Variants in MATN2 observed in about 807,000 individuals in gnomAD.
MATN2 encodes matrilin-2.
Under a neutral mutation model 103.2 loss-of-function variants are expected in MATN2, and 69 were observed. The ratio of observed to expected loss-of-function variants is 0.67; its 90% CI spans 0.55 to 0.82. The LOEUF is 0.82. Ranked by LOEUF, MATN2 falls within the 40% of genes least tolerant of loss-of-function variation. The pLI is 0.00. For missense variants in MATN2, 1,023 were observed against 1,211.5 expected (o/e 0.84, Z 2.31); for synonymous variants, 429 against 450.2 (o/e 0.95, Z 0.60).
intron 3 of MATN2, among the ~76,000 whole-genome samples, chr8:97,935,157 C>T (rs1810333980): frequency 6.6e-6 from 1 of 152,072 alleles, no homozygotes; most frequent in Admixed American, 6.6e-5. Flanking sequence ...CTCCTGGGCT[C>T]AAGCAACCCT....
chr8:97,960,037 C>T (rs12546715), intron 4 of MATN2, among the ~76,000 whole-genome samples: 12,728 of 151,502 alleles, frequency 0.084, 646 homozygotes, highest in African/African-American at 0.13. Flanking sequence ...GCAACCTCCA[C>T]CTCCCGGGTT....
intron 4 of MATN2, among the ~76,000 whole-genome samples, chr8:97,951,421 G>T (rs571621924): frequency 1.3e-5 from 2 of 152,128 alleles, no homozygotes; most frequent in South Asian, 4.1e-4. Context: ...GAGGACCCAG[G>T]CAAGTGGTTC....
At chr8:97,977,013 A>C (rs1421183347) in intron 5 of MATN2, among the ~76,000 whole-genome samples, 1 of 151,966 alleles carries the variant, frequency 6.6e-6, no homozygotes, top group Non-Finnish European at 1.5e-5. Context: ...AGGCCAGTGG[A>C]TCTCTTGAGC....
chr8:97,951,249 G>A (rs551319936), intron 4 of MATN2, among the ~76,000 whole-genome samples: 15 of 152,330 alleles, frequency 9.8e-5, no homozygotes, highest in African/African-American at 3.6e-4. Context: ...CCAGGGCACA[G>A]GATTTTCTAC....
At chr8:98,020,306 C>T (rs775385258) in intron 12 of MATN2, among the ~76,000 whole-genome samples, 11 of 152,052 alleles carry the variant, frequency 7.2e-5, no homozygotes, top group Admixed American at 1.3e-4. Flanking sequence ...CCACCACACC[C>T]GGTTAATTTT....
Position 97,931,629 on chromosome 8 carries a change from T to C in MATN2, c.712+107T>C. The C allele has an allele frequency of 8.9e-7, 1 of 1,126,808 alleles. No individual in the cohort carries two copies. Among genetic ancestry groups the C allele is most frequent in the South Asian group, 1.6e-5 (1 of 61,890 alleles). The allele number at this position is 1,126,808 out of a possible 1,614,324, so 69.8% of individuals were successfully genotyped here. On this transcript the variant is annotated intron_variant, in intron 3 of 18. Coordinates refer to ENST00000254898, the MANE Select transcript of MATN2 (RefSeq NM_002380.5). This position sits in a 1 kb window ranked among gnomAD's most constrained non-coding sequence, Gnocchi z 4.1. ...TATGTCCCAGGTACTGTGCTGGCAATAGGTTTTCAACAAAGGCCAAGATAA... is the reference window on the plus strand; with the variant it reads ...TATGTCCCAGGTACTGTGCTGGCAACAGGTTTTCAACAAAGGCCAAGATAA...
chr8:97,937,874 T>C (rs1810429955), intron 3 of MATN2, among the ~76,000 whole-genome samples: 1 of 152,124 alleles, frequency 6.6e-6, no homozygotes, highest in Admixed American at 6.5e-5. Context: ...CCACCATGCC[T>C]GGCCTAATTT....
chr8:97,950,568 G>A (rs186094636), intron 4 of MATN2, among the ~76,000 whole-genome samples: 25 of 152,230 alleles, frequency 1.6e-4, no homozygotes, highest in African/African-American at 5.8e-4. Context: ...GAAACATTCA[G>A]ATCTTGGCTT....
intron 2 of MATN2, among the ~76,000 whole-genome samples, chr8:97,891,538 A>G (rs1425254991): frequency 6.6e-6 from 1 of 151,966 alleles, no homozygotes; most frequent in Admixed American, 6.6e-5. Context: ...GGGTTTCGCC[A>G]TGTTGTCCAG....
intron 11 of MATN2, 90 bp from the exon 12 acceptor site, chr8:98,017,904 T>C: frequency 6.9e-7 from 1 of 1,450,404 alleles, no homozygotes; most frequent in African/African-American, 1.4e-5. Context: ...TAGAATCCAG[T>C]AGCTGACTCC....
At position 97,962,458 on chromosome 8, in the gene MATN2, A is replaced by C. The variant is rs546677365; in HGVS notation, c.958+928A>C. 2.0e-5 allele frequency among the ~76,000 whole-genome samples: 3 copies of C among 152,334 alleles called. No homozygotes were observed. In the East Asian group the frequency reaches 5.8e-4, roughly 29 times the overall value. ...TGGAAGGCAAAACAAAACAACAACA[A>C]AACAAAAGTTAGGTGGTAGCCTGCA... is the stretch of plus-strand genomic sequence containing the variant. On this transcript the variant is annotated intron_variant, in intron 5 of 18. Coordinates refer to ENST00000254898, the MANE Select transcript of MATN2 (RefSeq NM_002380.5).
At position 97,888,189 on chromosome 8, in the gene MATN2, G is replaced by A. The variant is rs1818510735; in HGVS notation, c.89G>A (p.Arg30Lys). The change falls in exon 2 of 19, where the codon AGG (arginine) becomes AAG (lysine). Residue 30 changes from arginine (R) to lysine (K), a missense_variant. Arg to Lys is a conservative substitution (Grantham distance 26). Transcript: ENST00000254898. ...GAGGCCAGGGAGCGGTCACGTGGGAGGTCCATCTCTAGGGGCAGACACGCT... is the reference window on the plus strand; with the variant it reads ...GAGGCCAGGGAGCGGTCACGTGGGAAGTCCATCTCTAGGGGCAGACACGCT... ...PAEARERSRG[R>K]SISRGRHART... The A allele has an allele frequency of 1.2e-6, 2 of 1,605,616 alleles. No individual in the cohort carries two copies. Among genetic ancestry groups the A allele is most frequent in the Non-Finnish European group, 1.7e-6 (2 of 1,175,070 alleles).
At chr8:98,031,400 C>T (rs548910129) in intron 15 of MATN2, 8 of 152,086 alleles carry the variant, frequency 5.3e-5, no homozygotes, top group African/African-American at 1.9e-4. Flanking sequence ...GTAATAGCTA[C>T]CATTGTTTGC....
At chr8:97,933,683 A>G (rs1810277906) in intron 3 of MATN2, among the ~76,000 whole-genome samples, 1 of 152,130 alleles carries the variant, frequency 6.6e-6, no homozygotes, top group African/African-American at 2.4e-5. Context: ...GGAAGCTCTA[A>G]GAAAACATTA....
chr8:97,945,717 A>AATATATATAT (rs1554605716), intron 4 of MATN2, among the ~76,000 whole-genome samples: 223 of 121,786 alleles, frequency 1.8e-3, no homozygotes, highest in South Asian at 6.7e-3. Context: ...AAAAAAAAAA[A>AATATATATAT]ATATATATAT....
At chr8:97,952,865 G>A (rs1367099754) in intron 4 of MATN2, among the ~76,000 whole-genome samples, 1 of 150,838 alleles carries the variant, frequency 6.6e-6, no homozygotes, top group East Asian at 1.9e-4. Flanking sequence ...AACCAAACTT[G>A]GCCAGAGATA....
At chr8:98,000,114 C>G (rs1206220414) in intron 7 of MATN2, among the ~76,000 whole-genome samples, 2 of 151,436 alleles carry the variant, frequency 1.3e-5, no homozygotes, top group African/African-American at 4.8e-5. Context: ...CTCCTGACCT[C>G]AAGTGATCCA....
intron 2 of MATN2, among the ~76,000 whole-genome samples, chr8:97,911,519 C>T (rs145581386): frequency 0.036 from 5,468 of 151,806 alleles, 267 homozygotes; most frequent in African/African-American, 0.11. Flanking sequence ...CCATCCTGGC[C>T]AACATGGTGA....
At chr8:97,869,933 G>A (rs1265384261) in intron 1 of MATN2, among the ~76,000 whole-genome samples, 1 of 152,018 alleles carries the variant, frequency 6.6e-6, no homozygotes, top group Non-Finnish European at 1.5e-5. Context: ...CTCTCCTCAG[G>A]GACACTCGCG....
Sources: allele counts gnomAD v4.1 joint callset (sites outside exome capture counted in the v4.1 genomes callset), GRCh38; gene constraint gnomAD v4.1.1; non-coding constraint Gnocchi (gnomAD v3.1); transcripts MANE v1.5; gene names NCBI Gene and HGNC (gene_info 2026-07-23, HGNC 2026-07-21).